MUC5AC: variants seen among roughly 807,000 people sequenced by gnomAD.
The protein encoded by MUC5AC is mucin 5AC, oligomeric mucus/gel-forming, also known as mucin-5AC.
Under a neutral mutation model 169.7 loss-of-function variants are expected in MUC5AC, and 158 were observed. The ratio of observed to expected loss-of-function variants is 0.93; its 90% CI spans 0.82 to 1.06. The LOEUF is 1.06. MUC5AC is among the 50% of genes least tolerant of loss of function. The pLI, the probability that MUC5AC is intolerant of heterozygous loss-of-function variation, is 0.00. For missense variants in MUC5AC, 4,359 were observed against 3,089.9 expected (o/e 1.41, Z -9.74); for synonymous variants, 1,975 against 1,237.0 (o/e 1.60, Z -12.52).
chr11:1,161,982 T>G lies in MUC5AC; in HGVS notation c.287T>G (p.Val96Gly). The change falls in exon 4 of 49, where the codon GTC (valine) becomes GGC (glycine). Residue 96 changes from valine (V) to glycine (G), a missense_variant. Val to Gly is a moderately radical substitution (Grantham distance 109, BLOSUM62 -3). Transcript: ENST00000621226. ...SFHYKTFDGD[V>G]FRFPGLCNYV... Reference sequence around the variant, plus strand: ...CACTACAAGACCTTCGACGGCGACGTCTTCCGCTTCCCCGGCCTCTGCAAC... The same window carrying G: ...CACTACAAGACCTTCGACGGCGACGGCTTCCGCTTCCCCGGCCTCTGCAAC... 2.5e-6 allele frequency: 4 copies of G among 1,612,428 alleles called. No individual in the cohort carries two copies. The highest frequency in any genetic ancestry group is 3.4e-6 in the Non-Finnish European group (4 of 1,179,746).
chr11:1,176,296 C>T (rs1338356046), intron 20 of MUC5AC, 45 bp downstream of exon 20: 2 of 398,628 alleles, frequency 5.0e-6, no homozygotes, highest in African/African-American at 4.1e-5. Context: ...CCATCTGCCC[C>T]TGCCTGCTAA....
rs1228989152 is a variant in MUC5AC, at chr11:1,164,575, A to T, written c.1129+43A>T. On this transcript the variant is annotated intron_variant, in intron 9 of 48. Coordinates refer to ENST00000621226, the MANE Select transcript of MUC5AC (RefSeq NM_001304359.2). ...CTGGGAAACACAGGTGCACCCCGAC[A>T]ACTAGGGGGCTGTGCTCCCATGGCC... The T allele has an allele frequency of 1.9e-6, 3 of 1,571,928 alleles. No homozygotes were observed. In the East Asian group the frequency reaches 6.7e-5, roughly 35 times the overall value.
intron 6 of MUC5AC, among the ~76,000 whole-genome samples, chr11:1,163,624 C>T (rs943562091): frequency 6.6e-6 from 1 of 152,140 alleles, no homozygotes; most frequent in South Asian, 2.1e-4. Context: ...CCTCAGCCGG[C>T]GGCACCCTGT....
Position 1,178,510 on chromosome 11 carries a change from C to T in MUC5AC, c.3154C>T (p.Arg1052Trp), listed in dbSNP as rs968944894. Residue 1052 changes from arginine to tryptophan, a missense_variant, in exon 25 of 49, where the codon CGG (arginine) becomes TGG (tryptophan). Physicochemically the swap from Arg to Trp is moderately radical, Grantham distance 101 (BLOSUM62 -3). Coordinates refer to ENST00000621226, the MANE Select transcript of MUC5AC (RefSeq NM_001304359.2). ...IAVNDFATRSRSVVGDVLEFG... is the reference protein window; with the variant it reads ...IAVNDFATRSWSVVGDVLEFG... Reference sequence around the variant, plus strand: ...CGTTAATGACTTTGCCACGCGGAGCCGGTCTGTGGTGGGGGACGTGCTGGA... The same window carrying T: ...CGTTAATGACTTTGCCACGCGGAGCTGGTCTGTGGTGGGGGACGTGCTGGA... 6.3e-5 allele frequency: 76 copies of T among 1,215,800 alleles called. No homozygotes were observed. The Middle Eastern group carries it at 1.0e-3, about 16-fold the overall frequency. 75.3% of individuals were successfully genotyped at this position (1,215,800 alleles called of 1,614,324 possible). A position where few individuals can be genotyped will look rare whatever the true frequency, so the allele number is the denominator to read the frequency against.
intron 11 of MUC5AC, among the ~76,000 whole-genome samples, chr11:1,167,617 CA>C (rs1860373799): frequency 6.6e-6 from 1 of 152,232 alleles, no homozygotes; most frequent in Admixed American, 6.5e-5. Flanking sequence ...CTGGCATTTG[CA>C]CCTTCTGAGT....
chr11:1,182,262 C>T lies in MUC5AC; in HGVS notation c.4117C>T (p.Pro1373Ser), dbSNP rs1051597428. 2 of 398,490 alleles carry T rather than the reference C, an allele frequency of 5.0e-6. No individual in the cohort carries two copies. Among genetic ancestry groups the T allele is most frequent in the East Asian group, 7.1e-5 (2 of 28,080 alleles). The allele number at this position is 398,490 out of a possible 1,614,324, so 24.7% of individuals were successfully genotyped here. A position where few individuals can be genotyped will look rare whatever the true frequency, so the allele number is the denominator to read the frequency against. ...AGGCACTTCTCCCAGGACGAGGCTG[C>T]CCACAGCCTCTGCCTCACTGCCGCC... ...TAGTSPRTRL[P>S]TASASLPPVC... is the part of the protein sequence containing the mutation. Residue 1373 changes from proline to serine, a missense_variant, in exon 31 of 49, where the codon CCC becomes TCC. Physicochemically the swap from Pro to Ser is moderately conservative, Grantham distance 74 (BLOSUM62 -1). Transcript: ENST00000621226.
chr11:1,175,781 CA>C (rs1860663495), intron 19 of MUC5AC, among the ~76,000 whole-genome samples: 1 of 104,504 alleles, frequency 9.6e-6, no homozygotes, highest in Non-Finnish European at 1.9e-5. Flanking sequence ...CACACACCCA[CA>C]TGCACACGCA....
Position 1,168,862 on chromosome 11 carries a change from GTC to G in MUC5AC, c.1710_1711del (p.Cys571TrpfsTer10), listed in dbSNP as rs747573483. The G allele has an allele frequency of 6.3e-7, 1 of 1,591,856 alleles. No individual in the cohort carries two copies. The highest frequency in any genetic ancestry group is 8.6e-7 in the Non-Finnish European group (1 of 1,167,442). ...CTCAACCTGCCTAACCCGCCCCCAG[GTC>G]TCTGTGGGAACTTCAACAGCATCCA... On this transcript the variant is annotated frameshift_variant and splice_region_variant, in exon 15 of 49. Transcript: ENST00000621226. LOFTEE classifies it high-confidence loss of function.
chr11:1,172,075 A>C (rs1047706601), intron 15 of MUC5AC, among the ~76,000 whole-genome samples: 126 of 152,236 alleles, frequency 8.3e-4, no homozygotes, highest in Non-Finnish European at 1.6e-3. Flanking sequence ...GCAGCCTGGG[A>C]AGCCAGGGTC....
rs756021034 is a variant in MUC5AC, at chr11:1,192,494, C to T, written c.14349C>T (p.Phe4783=). 5.2e-6 allele frequency: 4 copies of T among 764,992 alleles called. No homozygotes were observed. The highest frequency in any genetic ancestry group is 3.4e-5 in the African/African-American group (2 of 59,152). 47.4% of individuals were successfully genotyped at this position (764,992 alleles called of 1,614,324 possible). Residue 4783 remains phenylalanine (F), a synonymous_variant, in exon 31 of 49, where the codon TTC becomes TTT. Coordinates refer to ENST00000621226, the MANE Select transcript of MUC5AC (RefSeq NM_001304359.2). ...TGGCTTACTCCACCCAAACCTGCTT[C>T]TGCAACGTGGCTGACCGGCTCTACC... The part of the protein sequence containing the change: ...SSVAYSTQTC[F]CNVADRLYPA...
intron 40 of MUC5AC, among the ~76,000 whole-genome samples, chr11:1,197,251 C>T (rs1026464326): frequency 2.0e-5 from 3 of 152,264 alleles, no homozygotes; most frequent in South Asian, 2.1e-4. Flanking sequence ...AGGTGGGGGG[C>T]GCAGGCCAGT....
Position 1,192,976 on chromosome 11 carries a change from C to A in MUC5AC, c.14574C>A (p.Pro4858=), listed in dbSNP as rs190893751. The A allele has an allele frequency of 1.1e-5, 8 of 712,344 alleles. No homozygotes were observed. The highest frequency in any genetic ancestry group is 1.6e-5 in the Non-Finnish European group (6 of 386,928). 44.1% of individuals were successfully genotyped at this position (712,344 alleles called of 1,614,324 possible). Residue 4858 remains proline, a synonymous_variant, in exon 32 of 49, where the codon CCC becomes CCA. Transcript: ENST00000621226. ...TGGGATGCCCAAATGCGGTTCCCCC[C>A]AGAAAGGTAACCCCCTACTTCTCAC... The part of the protein sequence containing the change: ...TELGCPNAVP[P]RKKGETWATP...
chr11:1,163,096 C>T, intron 6 of MUC5AC, 51 bp downstream of exon 6: 2 of 1,527,604 alleles, frequency 1.3e-6, no homozygotes, highest in South Asian at 1.1e-5. Context: ...CCTGGGGGCT[C>T]AGTGTTGTGT....
Position 1,165,335 on chromosome 11 carries a change from G to A in MUC5AC, c.1163G>A (p.Cys388Tyr). 6.2e-7 allele frequency: 1 copy of A among 1,612,360 alleles called. No individual in the cohort carries two copies. Among genetic ancestry groups the A allele is most frequent in the Non-Finnish European group, 8.5e-7 (1 of 1,179,720 alleles). ...TVLDDIGQTG[C>Y]VPVSKCACVY... ...CTTGACGACATCGGCCAGACCGGCTGTGTCCCTGTGTCAAAGTGTGCCTGC... is the reference window on the plus strand; with the variant it reads ...CTTGACGACATCGGCCAGACCGGCTATGTCCCTGTGTCAAAGTGTGCCTGC... Residue 388 changes from cysteine (C) to tyrosine (Y), a missense_variant, in exon 10 of 49, where the codon TGT becomes TAT. Coordinates refer to ENST00000621226, the MANE Select transcript of MUC5AC (RefSeq NM_001304359.2).
At chr11:1,181,046 G>C in intron 28 of MUC5AC, 93 bp from the exon 29 acceptor site, 1 of 398,328 alleles carries the variant, frequency 2.5e-6, no homozygotes, top group Non-Finnish European at 4.4e-6. Context: ...CCCTGTCGGA[G>C]CTGCTCCCTG....
rs1036875057 is a variant in MUC5AC, at chr11:1,174,882, C to T, written c.2093C>T (p.Thr698Met). ...ATCCCCTCTTCCTGGCATCCCGCAG[C>T]GAAGCCTATGACCACTTGCCCCAAG... ...QLGGWRDGVC[T>M]KPMTTCPKSM... The change falls in exon 18 of 49, where the codon ACG (threonine) becomes ATG (methionine). Residue 698 changes from threonine (T) to methionine (M), a missense_variant and splice_region_variant. Coordinates refer to ENST00000621226, the MANE Select transcript of MUC5AC (RefSeq NM_001304359.2). 8.8e-5 allele frequency: 37 copies of T among 419,646 alleles called. No homozygotes were observed. The highest frequency in any genetic ancestry group is 5.0e-4 in the East Asian group (14 of 28,274). The allele number at this position is 419,646 out of a possible 1,614,324, so 26.0% of individuals were successfully genotyped here.
chr11:1,199,301 C>A (rs889759667), intron 45 of MUC5AC, 70 bp from the exon 46 acceptor site: 3 of 697,402 alleles, frequency 4.3e-6, no homozygotes, highest in East Asian at 2.7e-5. Flanking sequence ...TGGAAGCCCA[C>A]GGGCTGGGGT....
intron 28 of MUC5AC, among the ~76,000 whole-genome samples, 155 bp from the exon 29 acceptor site, chr11:1,180,984 G>A (rs949914954): frequency 2.0e-5 from 3 of 152,276 alleles, no homozygotes; most frequent in African/African-American, 2.4e-5. Context: ...AGGTGGGGCC[G>A]GCCTCCTGTC....
chr11:1,198,677 G>C (rs1177780562), intron 43 of MUC5AC, among the ~76,000 whole-genome samples, 197 bp from the exon 44 acceptor site: 2 of 152,262 alleles, frequency 1.3e-5, no homozygotes, highest in East Asian at 3.9e-4. Flanking sequence ...CTCTGCTCTA[G>C]GGATGGGGAC....
Sources: allele counts gnomAD v4.1 joint callset (sites outside exome capture counted in the v4.1 genomes callset), GRCh38; gene constraint gnomAD v4.1.1; transcripts MANE v1.5; gene names NCBI Gene and HGNC (gene_info 2026-07-23, HGNC 2026-07-21).